Variants in NOTCH1 observed in about 807,000 individuals in gnomAD.
NOTCH1 encodes neurogenic locus notch homolog protein 1.
A neutral mutation model predicts 254.8 loss-of-function variants in NOTCH1; 37 were observed. That is an observed-to-expected ratio of 0.15 (90% CI 0.11 to 0.19). NOTCH1 has a LOEUF of 0.19. NOTCH1 is among the 10% of genes least tolerant of loss of function. NOTCH1 has a pLI of 1.00. For missense variants in NOTCH1, 2,972 were observed against 3,708.6 expected, an observed-to-expected ratio of 0.80 and a Z score of 5.16; for synonymous variants, 1,731 against 1,618.1, an observed-to-expected ratio of 1.07 and a Z score of -1.68.
At chr9:136,502,553 G>T in intron 27 of NOTCH1, 65 bp from the exon 28 acceptor site, 1 of 1,103,702 alleles carries the variant, frequency 9.1e-7, no homozygotes, top group African/African-American at 1.6e-5. Context: ...GCAGGCTGGT[G>T]GCCGGGGGGC....
intron 22 of NOTCH1, 113 bp from the exon 23 acceptor site, chr9:136,507,086 G>T: frequency 1.3e-6 from 2 of 1,508,208 alleles, no homozygotes; most frequent in South Asian, 2.4e-5. Context: ...GGACACTCGG[G>T]AGAGGCAGGT....
intron 12 of NOTCH1, 39 bp from the exon 13 acceptor site, chr9:136,514,741 CA>C: frequency 1.9e-6 from 3 of 1,593,578 alleles, no homozygotes; most frequent in Non-Finnish European, 2.6e-6. Context: ...GCCCAGCGCC[CA>C]GGGGGTCCCA....
rs776007653 is a variant in NOTCH1, at chr9:136,514,617, G to A, written c.2100C>T (p.Phe700=). The change falls in exon 13 of 34, where the codon TTC becomes TTT. Residue 700 remains phenylalanine, a synonymous_variant. Coordinates refer to ENST00000651671, the MANE Select transcript of NOTCH1 (RefSeq NM_017617.5). The part of the protein sequence containing the change: ...GGTCEDGING[F]TCRCPEGYHD... ...GGTAGCCCTCGGGGCAGCGGCAGGT[G>A]AAGCCATTGATGCCGTCCTCGCAGG... The A allele has an allele frequency of 2.5e-6, 4 of 1,610,428 alleles. No homozygotes were observed. Among genetic ancestry groups the A allele is most frequent in the Non-Finnish European group, 3.4e-6 (4 of 1,179,186 alleles).
Position 136,545,382 on chromosome 9 carries a change from A to T in NOTCH1, c.61+344T>A, listed in dbSNP as rs1843799626. ...ACCGACTCTATTCAAATCGAAAAAT[A>T]GTAGGCAGCCCGCCCGCCCGGCCGA... On this transcript the variant is annotated intron_variant, in intron 1 of 33. Coordinates refer to ENST00000651671, the MANE Select transcript of NOTCH1 (RefSeq NM_017617.5). This position sits in a 1 kb window ranked among gnomAD's most constrained non-coding sequence, Gnocchi z 6.8. Among the ~76,000 whole-genome samples, 1 of 152,150 alleles carries T rather than the reference A, an allele frequency of 6.6e-6. No homozygotes were observed. Among genetic ancestry groups the T allele is most frequent in the Non-Finnish European group, 1.5e-5 (1 of 68,000 alleles).
At position 136,508,134 on chromosome 9, in the gene NOTCH1, C is replaced by A. The variant is rs2133346652; in HGVS notation, c.3331G>T (p.Asp1111Tyr). 2 of 1,608,060 alleles carry A rather than the reference C, an allele frequency of 1.2e-6. No homozygotes were observed. Among genetic ancestry groups the A allele is most frequent in the Non-Finnish European group, 8.5e-7 (1 of 1,179,772 alleles). The change falls in exon 21 of 34, where the codon GAC becomes TAC. Residue 1111 changes from aspartate (D) to tyrosine (Y), a missense_variant. Asp to Tyr is a radical substitution (Grantham distance 160). Around this residue, in one of 8 missense-constraint regions of NOTCH1, gnomAD observed 1,343 missense variants for 1,557.0 expected, o/e 0.86. Transcript: ENST00000651671. Reference sequence around the variant, plus strand: ...CCATGCTGGCACAGGCGGGCAACGTCAACACCTGCGGGGGATGGGGTGGTA... The same window carrying A: ...CCATGCTGGCACAGGCGGGCAACGTAAACACCTGCGGGGGATGGGGTGGTA... ...CEVAAQRQGV[D>Y]VARLCQHGGL... is the part of the protein sequence containing the mutation.
chr9:136,498,358 G>A (rs987055294), intron 33 of NOTCH1, among the ~76,000 whole-genome samples: 2 of 152,080 alleles, frequency 1.3e-5, no homozygotes, highest in Admixed American at 6.5e-5. Flanking sequence ...ATGAGGGCTG[G>A]GGGTGGCTCC....
intron 3 of NOTCH1, 69 bp downstream of exon 3, chr9:136,523,648 T>A (rs1843411975): frequency 1.3e-6 from 2 of 1,543,510 alleles, no homozygotes; most frequent in Non-Finnish European, 8.8e-7. Flanking sequence ...GCCAAGTACC[T>A]CAAGTTGCCT....
chr9:136,495,049 C>T lies in NOTCH1; in HGVS notation c.*1022G>A, dbSNP rs1024411941. ...CAAAACACGGGAGCCCACGGGGGGTCGGGTCCCGCGAGCTGGGGCCCAGGC... is the reference window on the plus strand; with the variant it reads ...CAAAACACGGGAGCCCACGGGGGGTTGGGTCCCGCGAGCTGGGGCCCAGGC... On this transcript the variant is annotated 3_prime_UTR_variant, in exon 34 of 34. Coordinates refer to ENST00000651671, the MANE Select transcript of NOTCH1 (RefSeq NM_017617.5). 2.0e-5 allele frequency: 8 copies of T among 398,884 alleles called. No homozygotes were observed. The highest frequency in any genetic ancestry group is 7.1e-5 in the East Asian group (2 of 28,216). The allele number at this position is 398,884 out of a possible 1,614,324, so 24.7% of individuals were successfully genotyped here. A position where few individuals can be genotyped will look rare whatever the true frequency, so the allele number is the denominator to read the frequency against.
chr9:136,528,612 A>T (rs1313012804), intron 2 of NOTCH1, among the ~76,000 whole-genome samples: 1 of 150,632 alleles, frequency 6.6e-6, no homozygotes, highest in Non-Finnish European at 1.5e-5. Flanking sequence ...CACTTCCCAG[A>T]GGGGAAGGAA....
rs1843211301 is a variant in NOTCH1, at chr9:136,513,216, G to A, written c.2354-82C>T. ...GCCCCACAACAGCAGCCCTGGGCCT[G>A]CTCCCCACCCCAGGCCCCTCCTCAT... On this transcript the variant is annotated intron_variant, in intron 14 of 33. Transcript: ENST00000651671. This position sits in a 1 kb window ranked among gnomAD's most constrained non-coding sequence, Gnocchi z 4.7. 2 of 1,447,128 alleles carry A rather than the reference G, an allele frequency of 1.4e-6. No homozygotes were observed. The highest frequency in any genetic ancestry group is 1.4e-5 in the African/African-American group (1 of 71,296). 89.6% of individuals were successfully genotyped at this position (1,447,128 alleles called of 1,614,324 possible). A position where few individuals can be genotyped will look rare whatever the true frequency, so the allele number is the denominator to read the frequency against.
chr9:136,505,506 T>G lies in NOTCH1; in HGVS notation c.4390A>C (p.Ser1464Arg). 6.2e-7 allele frequency: 1 copy of G among 1,612,764 alleles called. No individual in the cohort carries two copies. Among genetic ancestry groups the G allele is most frequent in the Non-Finnish European group, 8.5e-7 (1 of 1,179,998 alleles). The change falls in exon 25 of 34, where the codon AGC becomes CGC. Residue 1464 changes from serine (S) to arginine (R), a missense_variant. Transcript: ENST00000651671. ...CACGCGTGGTTGTTGCACTGCAGGC[T>G]GCAGACCTTGTTGCCCGCGTCCTCC... Reference protein sequence around the residue: ...CQEDAGNKVCSLQCNNHACGW... With the variant: ...CQEDAGNKVCRLQCNNHACGW...
chr9:136,539,459 G>A (rs943799235), intron 2 of NOTCH1, among the ~76,000 whole-genome samples: 1 of 152,180 alleles, frequency 6.6e-6, no homozygotes. Flanking sequence ...CACGATCTCA[G>A]CTCACTGCAG....
At position 136,506,428 on chromosome 9, in the gene NOTCH1, G is replaced by A. The variant is rs569035757; in HGVS notation, c.4014+99C>T. ...CAGGGTGAGGAGGAGGATGAAGGCC[G>A]GGAGGATCACTGCCCGGTCTGCGCC... On this transcript the variant is annotated intron_variant, in intron 24 of 33. Coordinates refer to ENST00000651671, the MANE Select transcript of NOTCH1 (RefSeq NM_017617.5). This position sits in a 1 kb window ranked among gnomAD's most constrained non-coding sequence, Gnocchi z 4.5. 112 of 977,226 alleles carry A rather than the reference G, an allele frequency of 1.1e-4. 1 individual carries two copies. The South Asian group carries it at 1.4e-3, about 12-fold the overall frequency. 60.5% of individuals were successfully genotyped at this position (977,226 alleles called of 1,614,324 possible). A position where few individuals can be genotyped will look rare whatever the true frequency, so the allele number is the denominator to read the frequency against.
rs138220907 is a variant in NOTCH1, at chr9:136,522,185, G to A, written c.742+665C>T. The stretch of plus-strand genomic sequence containing the variant: ...GTAGAGACGGGGTTTCGCCGTGTTA[G>A]CCAGGATGGTCTCCATCTCCTGACC... On this transcript the variant is annotated intron_variant, in intron 4 of 33. Transcript: ENST00000651671. Among the ~76,000 whole-genome samples the A allele has an allele frequency of 4.8e-3, 735 of 152,198 alleles. 4 individuals carry two copies. The highest frequency in any genetic ancestry group is 0.017 in the African/African-American group (689 of 41,534).
intron 6 of NOTCH1, 40 bp downstream of exon 6, chr9:136,518,551 T>C (rs751220194): frequency 1.7e-5 from 26 of 1,559,710 alleles, no homozygotes; most frequent in Non-Finnish European, 2.2e-5. Flanking sequence ...GCCTGGCCCA[T>C]GTGAGCCCCC....
rs1269288372 is a variant in NOTCH1 at position 136,517,905 on chromosome 9, T to C, written c.1288A>G (p.Ile430Val). 1 of 1,612,070 alleles carries C rather than the reference T, an allele frequency of 6.2e-7. No individual in the cohort carries two copies. Among genetic ancestry groups the C allele is most frequent in the Non-Finnish European group, 8.5e-7 (1 of 1,179,886 alleles). ...ANPCEHAGKC[I>V]NTLGSFECQC... ...CACTCGAAGGAGCCCAGCGTGTTGA[T>C]GCACTTGCCCGCATGCTCGCAGGGG... Residue 430 changes from isoleucine (I) to valine (V), a missense_variant, in exon 8 of 34, where the codon ATC (isoleucine) becomes GTC (valine). Physicochemically the swap from Ile to Val is conservative, Grantham distance 29. This residue lies in a region of NOTCH1 where 90 missense variants were observed against 183.6 expected (regional missense o/e 0.49). Coordinates refer to ENST00000651671, the MANE Select transcript of NOTCH1 (RefSeq NM_017617.5).
intron 4 of NOTCH1, among the ~76,000 whole-genome samples, chr9:136,521,500 C>T (rs1006702564): frequency 6.6e-6 from 1 of 152,292 alleles, no homozygotes; most frequent in Admixed American, 6.5e-5. Flanking sequence ...GCTCTGCACA[C>T]AGGTGGCCTT....
chr9:136,509,793 G>A lies in NOTCH1; in HGVS notation c.2909C>T (p.Thr970Ile), dbSNP rs571425395. The change falls in exon 18 of 34, where the codon ACC becomes ATC. Residue 970 changes from threonine to isoleucine, a missense_variant. Transcript: ENST00000651671. ...CTDCVDSYTCTCPAGFSGIHC... is the reference protein window; with the variant it reads ...CTDCVDSYTCICPAGFSGIHC... ...GATCCCGCTGAAGCCTGCGGGGCAG[G>A]TGCACGTGTAGCTGTCCACGCAGTC... 2.8e-5 allele frequency: 45 copies of A among 1,613,134 alleles called. No homozygotes were observed. In the South Asian group the frequency reaches 4.4e-4, roughly 16 times the overall value.
At position 136,545,680 on chromosome 9, in the gene NOTCH1, C is replaced by T; in HGVS notation, c.61+46G>A. The T allele has an allele frequency of 7.0e-7, 1 of 1,429,314 alleles. No individual in the cohort carries two copies. The highest frequency in any genetic ancestry group is 9.2e-7 in the Non-Finnish European group (1 of 1,090,862). 88.5% of individuals were successfully genotyped at this position (1,429,314 alleles called of 1,614,324 possible). A position where few individuals can be genotyped will look rare whatever the true frequency, so the allele number is the denominator to read the frequency against. On this transcript the variant is annotated intron_variant, in intron 1 of 33. Coordinates refer to ENST00000651671, the MANE Select transcript of NOTCH1 (RefSeq NM_017617.5). The surrounding 1 kb of genome is among the most constrained non-coding windows in gnomAD (Gnocchi z 6.8). ...CGCGCGCCGGGCGCCGCCAAAGTTT[C>T]CAAAGGGCGCGGAAAGTGGGGGCTC... is the stretch of plus-strand genomic sequence containing the variant.
Sources: allele counts gnomAD v4.1 joint callset (sites outside exome capture counted in the v4.1 genomes callset), GRCh38; gene constraint gnomAD v4.1.1; regional missense constraint gnomAD v4.1.1; non-coding constraint Gnocchi (gnomAD v3.1); transcripts MANE v1.5; gene names NCBI Gene and HGNC (gene_info 2026-07-23, HGNC 2026-07-21).